The following TRPM6 variants were observed in gnomAD, a reference collection of about 807,000 sequenced individuals.
TRPM6 encodes channel kinase 2.
Under a neutral mutation model 247.6 loss-of-function variants are expected in TRPM6, and 111 were observed. That is an observed-to-expected ratio of 0.45 (90% CI 0.38 to 0.52). The LOEUF (loss-of-function observed/expected upper bound fraction) is 0.52, where lower values mean the gene tolerates loss of function less well. TRPM6 is among the 20% of genes least tolerant of loss of function. The pLI is 0.00. For missense variants in TRPM6, 2,126 were observed against 2,421.5 expected (o/e 0.88, Z 2.56); for synonymous variants, 892 against 853.8 (o/e 1.04, Z -0.78).
chr9:74,801,060 C>T (rs761210488), intron 16 of TRPM6, among the ~76,000 whole-genome samples: 4 of 151,752 alleles, frequency 2.6e-5, no homozygotes, highest in Non-Finnish European at 5.9e-5. Context: ...ATGTGATTTT[C>T]GAGGAGAATG....
intron 4 of TRPM6, among the ~76,000 whole-genome samples, 166 bp downstream of exon 4, chr9:74,842,000 A>C (rs1445477446): frequency 6.6e-6 from 1 of 151,766 alleles, no homozygotes; most frequent in Non-Finnish European, 1.5e-5. Context: ...AGTCCCAGCT[A>C]CTCAGGAGGT....
chr9:74,837,748 C>CTT (rs3056761), intron 5 of TRPM6, among the ~76,000 whole-genome samples: 1 of 137,382 alleles, frequency 7.3e-6, no homozygotes, highest in Non-Finnish European at 1.5e-5. Flanking sequence ...GCCCGGCCCC[C>CTT]TTTTTTTTTT....
chr9:74,796,761 A>T lies in TRPM6; in HGVS notation c.2371T>A (p.Ser791Thr). The change falls in exon 18 of 39, where the codon TCC (serine) becomes ACC (threonine). Residue 791 changes from serine (S) to threonine (T), a missense_variant. Ser to Thr is a moderately conservative substitution (Grantham distance 58). Transcript: ENST00000360774. Reference sequence around the variant, plus strand: ...CTAACCACAGAAGCACTTTCTTTGGAACTGCTGGCGTTCTGGTCACTGTAA... The same window carrying T: ...CTAACCACAGAAGCACTTTCTTTGGTACTGCTGGCGTTCTGGTCACTGTAA... ...WYYSDQNASS[S>T]KESASVKEYD... 1 of 1,614,074 alleles carries T rather than the reference A, an allele frequency of 6.2e-7. No individual in the cohort carries two copies. Among genetic ancestry groups the T allele is most frequent in the African/African-American group, 1.3e-5 (1 of 75,060 alleles).
chr9:74,830,929 C>A (rs573510740), intron 6 of TRPM6, among the ~76,000 whole-genome samples: 2 of 151,844 alleles, frequency 1.3e-5, no homozygotes, highest in Non-Finnish European at 2.9e-5. Context: ...ACCACCCTTC[C>A]AGAGGCAATG....
intron 6 of TRPM6, among the ~76,000 whole-genome samples, chr9:74,833,606 T>TAG: frequency 6.6e-6 from 1 of 152,040 alleles, no homozygotes; most frequent in Admixed American, 6.6e-5. Context: ...GTTGAGACTA[T>TAG]GCTGTTAGGA....
intron 1 of TRPM6, among the ~76,000 whole-genome samples, chr9:74,874,651 C>T (rs910944665): frequency 2.0e-5 from 3 of 151,806 alleles, no homozygotes; most frequent in African/African-American, 7.3e-5. Flanking sequence ...TTTGAAATGA[C>T]CCAAAAAGGC....
At chr9:74,861,451 T>C (rs1298490509) in intron 1 of TRPM6, among the ~76,000 whole-genome samples, 1 of 152,162 alleles carries the variant, frequency 6.6e-6, no homozygotes, top group Non-Finnish European at 1.5e-5. Flanking sequence ...CAATTAACTA[T>C]TAAAAACAGA....
intron 9 of TRPM6, 51 bp from the exon 10 acceptor site, chr9:74,817,015 A>G (rs1165725529): frequency 2.0e-6 from 3 of 1,472,636 alleles, no homozygotes; most frequent in Non-Finnish European, 2.9e-6. Flanking sequence ...TACCAAATAA[A>G]TGCTTTCAAA....
chr9:74,747,762 T>C, intron 31 of TRPM6, 127 bp downstream of exon 31: 1 of 788,394 alleles, frequency 1.3e-6, no homozygotes, highest in Non-Finnish European at 2.0e-6. Flanking sequence ...CTGAACTTTC[T>C]ACATTGCATG....
intron 1 of TRPM6, among the ~76,000 whole-genome samples, chr9:74,875,795 T>C (rs73650087): frequency 0.011 from 1,660 of 152,316 alleles, 27 homozygotes; most frequent in African/African-American, 0.038. Context: ...AAAATACGTT[T>C]TCTTTTGTTT....
chr9:74,828,023 T>C, intron 6 of TRPM6, 74 bp from the exon 7 acceptor site: 2 of 1,469,496 alleles, frequency 1.4e-6, no homozygotes, highest in South Asian at 2.4e-5. Flanking sequence ...CAAAGGCCTA[T>C]CTTTATGTGC....
intron 23 of TRPM6, among the ~76,000 whole-genome samples, chr9:74,777,793 T>C (rs1827275804): frequency 6.6e-6 from 1 of 152,138 alleles, no homozygotes; most frequent in African/African-American, 2.4e-5. Context: ...CATCCCAGTA[T>C]ATCTCCAAAA....
In TRPM6 at chr9:74,782,475, A is replaced by T. The variant is rs1431604259; in HGVS notation, c.3096T>A (p.Val1032=). The change falls in exon 23 of 39, where the codon GTT becomes GTA. Residue 1032 remains valine, a splice_region_variant and synonymous_variant. Transcript: ENST00000360774. ...YGEVYAGEID[V]CSSQPSCPPG... ...GAGGGCAGGATGGCTGGCTTGAACA[A>T]ACTACAAATAAAGAATTTTAAAAGA... 6.2e-7 allele frequency: 1 copy of T among 1,610,688 alleles called. No homozygotes were observed. Among genetic ancestry groups the T allele is most frequent in the East Asian group, 2.2e-5 (1 of 44,834 alleles).
intron 23 of TRPM6, among the ~76,000 whole-genome samples, chr9:74,781,989 G>A (rs539125915): frequency 4.5e-4 from 68 of 152,168 alleles, no homozygotes; most frequent in African/African-American, 1.5e-3. Context: ...CATTTACATC[G>A]CATTAATACT....
At chr9:74,784,391 G>A (rs1297420362) in intron 21 of TRPM6, among the ~76,000 whole-genome samples, 1 of 152,072 alleles carries the variant, frequency 6.6e-6, no homozygotes, top group Non-Finnish European at 1.5e-5. Context: ...ATTCCTTTGA[G>A]GAATTTGCTT....
intron 11 of TRPM6, among the ~76,000 whole-genome samples, chr9:74,816,273 G>T (rs181917393): frequency 6.6e-6 from 1 of 152,198 alleles, no homozygotes; most frequent in African/African-American, 2.4e-5. Context: ...GGAGGCTAAT[G>T]GGGGAGGATT....
At chr9:74,832,332 T>C (rs764596906) in intron 6 of TRPM6, among the ~76,000 whole-genome samples, 1 of 152,076 alleles carries the variant, frequency 6.6e-6, no homozygotes, top group Non-Finnish European at 1.5e-5. Flanking sequence ...TCAAGAGATA[T>C]AACAACCCAT....
chr9:74,853,760 C>T (rs1830440442), intron 3 of TRPM6, among the ~76,000 whole-genome samples: 1 of 151,870 alleles, frequency 6.6e-6, no homozygotes, highest in South Asian at 2.1e-4. Flanking sequence ...AACCAGAGAC[C>T]CTTGTTCACA....
At chr9:74,884,759 A>T (rs981518012) in intron 1 of TRPM6, among the ~76,000 whole-genome samples, 3 of 152,340 alleles carry the variant, frequency 2.0e-5, no homozygotes, top group African/African-American at 7.2e-5. Flanking sequence ...GTGATACACA[A>T]TCAAGGAAAA....
Sources: gnomAD v4.1 joint callset for allele counts (sites outside exome capture counted in the v4.1 genomes callset) on GRCh38, gnomAD v4.1.1 for gene constraint, MANE v1.5 for transcripts, NCBI Gene and HGNC (gene_info 2026-07-23, HGNC 2026-07-21) for gene names.